The following MAPK8IP3 variants were observed in gnomAD, a reference collection of about 807,000 sequenced individuals.
MAPK8IP3 encodes C-Jun-amino-terminal kinase-interacting protein 3.
In MAPK8IP3, 49 loss-of-function variants were observed where a neutral mutation model predicts 157.8. The ratio of observed to expected loss-of-function variants is 0.31; its 90% CI spans 0.25 to 0.39. The LOEUF (loss-of-function observed/expected upper bound fraction) is 0.39. Ranked by LOEUF, MAPK8IP3 falls within the 10% of genes least tolerant of loss-of-function variation. MAPK8IP3 has a pLI of 1.00. For missense variants in MAPK8IP3, 1,478 were observed against 1,889.4 expected, an observed-to-expected ratio of 0.78 and a Z score of 4.04; for synonymous variants, 897 against 777.7, an observed-to-expected ratio of 1.15 and a Z score of -2.55.
chr16:1,754,265 G>A (rs193116807), intron 8 of MAPK8IP3, among the ~76,000 whole-genome samples: 82 of 152,092 alleles, frequency 5.4e-4, no homozygotes, highest in African/African-American at 1.9e-3. Context: ...AGCTATTACC[G>A]CACTACCTGG....
chr16:1,730,521 C>T (rs1261379845), intron 4 of MAPK8IP3, among the ~76,000 whole-genome samples: 2 of 151,940 alleles, frequency 1.3e-5, no homozygotes, highest in East Asian at 1.9e-4. Flanking sequence ...GGGCAGATCA[C>T]GAGATCAGGA....
Position 1,762,961 on chromosome 16 carries a change from G to A in MAPK8IP3, c.1853G>A (p.Cys618Tyr), listed in dbSNP as rs1456082405. Residue 618 changes from cysteine (C) to tyrosine (Y), a missense_variant, in exon 16 of 32, where the codon TGC becomes TAC. This residue lies in a region of MAPK8IP3 where 669 missense variants were observed against 759.8 expected (regional missense o/e 0.88). Coordinates refer to ENST00000610761, the MANE Select transcript of MAPK8IP3 (RefSeq NM_001318852.2). ...AGCCAGCGCCGCAACCATGCCATGT[G>A]CCCGATCTCGGCAGGCAGCCGGCCC... The part of the protein sequence containing the change: ...GFSQRRNHAM[C>Y]PISAGSRPLE... 20 of 1,612,850 alleles carry A rather than the reference G, an allele frequency of 1.2e-5. No homozygotes were observed. The highest frequency in any genetic ancestry group is 1.7e-5 in the Non-Finnish European group (20 of 1,180,002).
chr16:1,744,518 G>T (rs971349035), intron 5 of MAPK8IP3: 3 of 985,490 alleles, frequency 3.0e-6, no homozygotes, highest in Non-Finnish European at 3.6e-6. Context: ...CTCAGGGCTG[G>T]AGAGAGGGTG....
chr16:1,736,988 CCGTGTGAG>C (rs2039970315), intron 4 of MAPK8IP3, among the ~76,000 whole-genome samples: 1 of 48,430 alleles, frequency 2.1e-5, no homozygotes, highest in Non-Finnish European at 3.8e-5. Context: ...GTGTGAGCAT[CCGTGTGAG>C]CGTGTGACCG....
At position 1,760,022 on chromosome 16, in the gene MAPK8IP3, G is replaced by A. The variant is rs2041843149; in HGVS notation, c.1304+7G>A. 6 of 1,614,162 alleles carry A rather than the reference G, an allele frequency of 3.7e-6. No homozygotes were observed. The highest frequency in any genetic ancestry group is 5.1e-6 in the Non-Finnish European group (6 of 1,180,004). On this transcript the variant is annotated splice_region_variant and intron_variant, in intron 11 of 31. Coordinates refer to ENST00000610761, the MANE Select transcript of MAPK8IP3 (RefSeq NM_001318852.2). ...CACAGCTTCTGGAAACCAAGTAAGA[G>A]TGCCCTTCTCCTGTGTGGTGGGGCT... is the stretch of plus-strand genomic sequence containing the variant.
chr16:1,766,382 C>T lies in MAPK8IP3; in HGVS notation c.2792C>T (p.Thr931Ile). Residue 931 changes from threonine to isoleucine, a missense_variant, in exon 22 of 32, where the codon ACC becomes ATC. Around this residue, in one of 11 missense-constraint regions of MAPK8IP3, gnomAD observed 669 missense variants for 759.8 expected, o/e 0.88. Coordinates refer to ENST00000610761, the MANE Select transcript of MAPK8IP3 (RefSeq NM_001318852.2). ...CACGTCTTCACTGACCCAGCCCCGA[C>T]CCCGTCCTCTGGCCCCCAGCCTGGC... is the stretch of plus-strand genomic sequence containing the variant. The part of the protein sequence containing the change: ...TEHVFTDPAP[T>I]PSSGPQPGSE... The T allele has an allele frequency of 1.2e-6, 2 of 1,611,740 alleles. No individual in the cohort carries two copies. The highest frequency in any genetic ancestry group is 2.2e-5 in the South Asian group (2 of 91,056).
rs1259512249 is a variant in MAPK8IP3 at position 1,769,084 on chromosome 16, C to T, written c.*260C>T. On this transcript the variant is annotated 3_prime_UTR_variant, in exon 32 of 32. Transcript: ENST00000610761. ...CGGGCAGCTCCTGGCCAGCTTCCAG[C>T]CCAGAGTCCTCAAGTCCAGGGCACC... The T allele has an allele frequency of 1.9e-6, 1 of 526,612 alleles. No homozygotes were observed. The highest frequency in any genetic ancestry group is 3.4e-6 in the Non-Finnish European group (1 of 291,798). The allele number at this position is 526,612 out of a possible 1,614,324, so 32.6% of individuals were successfully genotyped here. A position where few individuals can be genotyped will look rare whatever the true frequency, so the allele number is the denominator to read the frequency against.
chr16:1,735,905 T>G (rs2039715200), intron 4 of MAPK8IP3, among the ~76,000 whole-genome samples: 1 of 136,954 alleles, frequency 7.3e-6, no homozygotes, highest in Non-Finnish European at 1.5e-5. Context: ...CATGTGAGCA[T>G]CCGTGTGACC....
chr16:1,717,607 C>T (rs1274225251), intron 1 of MAPK8IP3, among the ~76,000 whole-genome samples: 1 of 152,240 alleles, frequency 6.6e-6, no homozygotes, highest in Non-Finnish European at 1.5e-5. Context: ...ATCACGAGCA[C>T]GTGTACAGAA....
rs776474568 is a variant in MAPK8IP3 at position 1,766,522 on chromosome 16, C to T, written c.2820-7C>T. 3 of 1,610,926 alleles carry T rather than the reference C, an allele frequency of 1.9e-6. No homozygotes were observed. In the African/African-American group the frequency reaches 4.0e-5, roughly 21 times the overall value. On this transcript the variant is annotated splice_polypyrimidine_tract_variant and splice_region_variant and intron_variant, in intron 22 of 31. Transcript: ENST00000610761. ...GGCCCCCCCTGGAGCCACCGTTCTT[C>T]CTGCAGCGAGAACGGGCCAGAGCCT...
chr16:1,722,943 C>T (rs930507628), intron 1 of MAPK8IP3, among the ~76,000 whole-genome samples: 8 of 151,866 alleles, frequency 5.3e-5, no homozygotes, highest in Non-Finnish European at 8.8e-5. Flanking sequence ...CCTCGTGATC[C>T]GCCTGCCTCA....
chr16:1,763,735 C>G lies in MAPK8IP3; in HGVS notation c.1977C>G (p.Asp659Glu). The change falls in exon 17 of 32, where the codon GAC becomes GAG. Residue 659 changes from aspartate to glutamate, a missense_variant. Transcript: ENST00000610761. ...TGCGTGAGCACGTGCGTAACGACGA[C>G]GGCCGTCTGCAGGCCTGCGGCTGGA... ...RQVREHVRND[D>E]GRLQACGWSL... 6.9e-6 allele frequency: 11 copies of G among 1,591,652 alleles called. No individual in the cohort carries two copies. The highest frequency in any genetic ancestry group is 1.3e-5 in the African/African-American group (1 of 74,342).
intron 4 of MAPK8IP3, among the ~76,000 whole-genome samples, chr16:1,740,801 G>A (rs1249315892): frequency 6.6e-6 from 1 of 152,258 alleles, no homozygotes; most frequent in South Asian, 2.1e-4. Context: ...GCCCAGGGCG[G>A]CTGCTTGGTC....
chr16:1,742,490 C>T lies in MAPK8IP3; in HGVS notation c.603-842C>T, dbSNP rs1428167112. 6.6e-6 allele frequency among the ~76,000 whole-genome samples: 1 copy of T among 152,186 alleles called. No individual in the cohort carries two copies. The highest frequency in any genetic ancestry group is 6.5e-5 in the Admixed American group (1 of 15,276). Reference sequence around the variant, plus strand: ...GGAGAAGACGCCCCTCAGGCTCAGGCTCCGGCTGCAGCAGATGAGACGGGG... The same window carrying T: ...GGAGAAGACGCCCCTCAGGCTCAGGTTCCGGCTGCAGCAGATGAGACGGGG... On this transcript the variant is annotated intron_variant, in intron 4 of 31. Coordinates refer to ENST00000610761, the MANE Select transcript of MAPK8IP3 (RefSeq NM_001318852.2). The surrounding 1 kb of genome is among the most constrained non-coding windows in gnomAD (Gnocchi z 5.0).
intron 4 of MAPK8IP3, 139 bp downstream of exon 4, chr16:1,729,717 C>T: frequency 2.4e-6 from 2 of 827,168 alleles, no homozygotes; most frequent in Non-Finnish European, 3.9e-6. Context: ...TCTGGAGACC[C>T]AGGAGGAGGG....
At position 1,768,541 on chromosome 16, in the gene MAPK8IP3, T is replaced by G; in HGVS notation, c.3807T>G (p.Ala1269=). The change falls in exon 31 of 32, where the codon GCT becomes GCG. Residue 1269 remains alanine (A), a synonymous_variant. Transcript: ENST00000610761. The part of the protein sequence containing the change: ...LDSPAEGPGP[A]APASEVEGQK... ...GCCCAGCCGAGGGCCCTGGGCCAGC[T>G]GCCCCTGCCTCGGAGGTCGAGGGCC... The G allele has an allele frequency of 6.4e-6, 10 of 1,563,758 alleles. No homozygotes were observed. Among genetic ancestry groups the G allele is most frequent in the Non-Finnish European group, 8.7e-6 (10 of 1,155,486 alleles).
chr16:1,762,488 G>C lies in MAPK8IP3; in HGVS notation c.1670+7G>C. ...GGTGGACTGAGATGATCAGGTGGGA[G>C]TTGCGGCCACCCCAGGAGGGGCTGC... On this transcript the variant is annotated splice_region_variant and intron_variant, in intron 14 of 31. Coordinates refer to ENST00000610761, the MANE Select transcript of MAPK8IP3 (RefSeq NM_001318852.2). The C allele has an allele frequency of 6.2e-7, 1 of 1,611,588 alleles. No individual in the cohort carries two copies. Among genetic ancestry groups the C allele is most frequent in the Non-Finnish European group, 8.5e-7 (1 of 1,179,140 alleles).
Position 1,766,421 on chromosome 16 carries a change from G to A in MAPK8IP3, c.2819+12G>A. ...CCCCAGCCTGGCAGGTGAGCTCTTG[G>A]GCTGGGGCAGGAGCAGAGGGAAGGC... is the stretch of plus-strand genomic sequence containing the variant. On this transcript the variant is annotated intron_variant, in intron 22 of 31. Transcript: ENST00000610761. 5 of 1,608,308 alleles carry A rather than the reference G, an allele frequency of 3.1e-6. No individual in the cohort carries two copies. Among genetic ancestry groups the A allele is most frequent in the Non-Finnish European group, 4.2e-6 (5 of 1,177,328 alleles).
intron 7 of MAPK8IP3, 22 bp from the exon 8 acceptor site, chr16:1,748,580 C>G (rs760423468): frequency 6.3e-7 from 1 of 1,593,338 alleles, no homozygotes; most frequent in African/African-American, 1.3e-5. Flanking sequence ...TGCTCTCTCT[C>G]CCGACCTGTG....
Sources: allele counts gnomAD v4.1 joint callset (sites outside exome capture counted in the v4.1 genomes callset), GRCh38; gene constraint gnomAD v4.1.1; regional missense constraint gnomAD v4.1.1; non-coding constraint Gnocchi (gnomAD v3.1); transcripts MANE v1.5; gene names NCBI Gene and HGNC (gene_info 2026-07-23, HGNC 2026-07-21).